Variants in ARHGEF3 observed in about 807,000 individuals in gnomAD.
The protein encoded by ARHGEF3 is 59.8 kDA protein.
In ARHGEF3, 28 loss-of-function variants were observed where a neutral mutation model predicts 63.2. That is an observed-to-expected ratio of 0.44 (90% CI 0.33 to 0.61). The LOEUF is 0.61. ARHGEF3 is among the 20% of genes least tolerant of loss of function. The pLI is 0.03. For missense variants in ARHGEF3, 533 were observed against 659.3 expected, an observed-to-expected ratio of 0.81 and a Z score of 2.10; for synonymous variants, 266 against 254.2, an observed-to-expected ratio of 1.05 and a Z score of -0.44.
chr3:57,062,055 G>A (rs951081056), intron 1 of ARHGEF3, among the ~76,000 whole-genome samples: 1 of 152,126 alleles, frequency 6.6e-6, no homozygotes, highest in African/African-American at 2.4e-5. Flanking sequence ...AAAAGAGAGT[G>A]GGGCAGGGAT....
At chr3:57,056,332 A>G (rs9862503) in intron 1 of ARHGEF3, among the ~76,000 whole-genome samples, 52,937 of 147,526 alleles carry the variant, frequency 0.36, 10,521 homozygotes, top group East Asian at 0.84. Context: ...GGTTGCAGTG[A>G]GCCAAGATTG....
At chr3:56,860,527 G>A (rs941393554) in intron 4 of ARHGEF3, among the ~76,000 whole-genome samples, 2 of 152,074 alleles carry the variant, frequency 1.3e-5, no homozygotes, top group Admixed American at 1.3e-4. Context: ...CAATCAAATG[G>A]GCATACAAAA....
chr3:56,857,410 G>T (rs1169904220), intron 4 of ARHGEF3, among the ~76,000 whole-genome samples: 1 of 152,174 alleles, frequency 6.6e-6, no homozygotes, highest in Non-Finnish European at 1.5e-5. Flanking sequence ...CTAAAGGGAA[G>T]AACTTATTTG....
chr3:56,879,690 A>G (rs1442419782), intron 4 of ARHGEF3, among the ~76,000 whole-genome samples: 1 of 151,792 alleles, frequency 6.6e-6, no homozygotes, highest in Non-Finnish European at 1.5e-5. Flanking sequence ...ACATAGAAAC[A>G]GTCCAAAAAC....
intron 2 of ARHGEF3, among the ~76,000 whole-genome samples, chr3:56,992,050 G>GTGTGTGTGTGTGTT (rs1701771896): frequency 2.0e-5 from 3 of 151,312 alleles, no homozygotes; most frequent in Non-Finnish European, 4.4e-5. Flanking sequence ...GTGTGTGTGT[G>GTGTGTGTGTGTGTT]TGTGTGTGTG....
chr3:56,957,617 A>G (rs1186697158), intron 3 of ARHGEF3, among the ~76,000 whole-genome samples: 1 of 152,220 alleles, frequency 6.6e-6, no homozygotes, highest in Non-Finnish European at 1.5e-5. Flanking sequence ...ACTAAGCACA[A>G]TAGTAAGAAA....
At chr3:56,779,886 C>T (rs1373643470) in intron 1 of ARHGEF3, among the ~76,000 whole-genome samples, 2 of 152,174 alleles carry the variant, frequency 1.3e-5, no homozygotes, top group African/African-American at 2.4e-5. Context: ...GAAATAACCT[C>T]GTAATACAGC....
intron 1 of ARHGEF3, among the ~76,000 whole-genome samples, chr3:56,794,676 A>G (rs1181707451): frequency 6.6e-6 from 1 of 152,158 alleles, no homozygotes; most frequent in Non-Finnish European, 1.5e-5. Flanking sequence ...GCTCAAGTCC[A>G]TGATATAAAA....
intron 3 of ARHGEF3, among the ~76,000 whole-genome samples, chr3:56,890,220 G>A (rs1484325856): frequency 1.3e-5 from 2 of 152,176 alleles, no homozygotes; most frequent in Admixed American, 6.5e-5. Flanking sequence ...TACTTGGTGT[G>A]ACCTTGGGCA....
intron 3 of ARHGEF3, among the ~76,000 whole-genome samples, chr3:56,913,157 A>AAAC (rs1031056376): frequency 2.4e-5 from 1 of 42,322 alleles, no homozygotes; most frequent in East Asian, 4.8e-4. Flanking sequence ...CTAAAAAAAA[A>AAAC]AACAACAACA....
intron 1 of ARHGEF3, among the ~76,000 whole-genome samples, chr3:57,071,028 A>G (rs1167892525): frequency 6.6e-6 from 1 of 151,854 alleles, no homozygotes; most frequent in Non-Finnish European, 1.5e-5. Context: ...ACAAAGTTGG[A>G]GGATTCATAC....
At chr3:57,070,557 T>G (rs1705829075) in intron 1 of ARHGEF3, among the ~76,000 whole-genome samples, 1 of 152,206 alleles carries the variant, frequency 6.6e-6, no homozygotes, top group South Asian at 2.1e-4. Context: ...CCAAGTGATC[T>G]ACAGAGTCAA....
At chr3:56,922,108 T>G (rs2042158014) in intron 3 of ARHGEF3, among the ~76,000 whole-genome samples, 1 of 151,410 alleles carries the variant, frequency 6.6e-6, no homozygotes, top group Non-Finnish European at 1.5e-5. Flanking sequence ...ATGTATGCTG[T>G]GAAGCAGCCA....
chr3:56,799,336 G>T (rs778913487), intron 1 of ARHGEF3, among the ~76,000 whole-genome samples: 1 of 152,170 alleles, frequency 6.6e-6, no homozygotes, highest in African/African-American at 2.4e-5. Context: ...AGGCAAATTC[G>T]GAAGGAACAG....
chr3:57,059,962 C>T (rs1384518912), intron 1 of ARHGEF3, among the ~76,000 whole-genome samples: 1 of 152,030 alleles, frequency 6.6e-6, no homozygotes, highest in Admixed American at 6.6e-5. Flanking sequence ...CGCCATTGCA[C>T]TCCAGCCTGG....
chr3:56,773,156 T>C (rs1043024432), intron 2 of ARHGEF3, among the ~76,000 whole-genome samples: 6 of 152,230 alleles, frequency 3.9e-5, no homozygotes, highest in Non-Finnish European at 7.3e-5. Flanking sequence ...CAGATGGGCA[T>C]GGCTATGTTC....
chr3:56,813,723 T>A (rs1395341136), intron 4 of ARHGEF3, among the ~76,000 whole-genome samples: 1 of 152,092 alleles, frequency 6.6e-6, no homozygotes, highest in African/African-American at 2.4e-5. Flanking sequence ...CCCACCCATT[T>A]AAAAAAAACC....
chr3:56,952,007 C>T (rs1460423796), intron 3 of ARHGEF3, among the ~76,000 whole-genome samples: 1 of 151,918 alleles, frequency 6.6e-6, no homozygotes, highest in Non-Finnish European at 1.5e-5. Context: ...TTCCCATCCT[C>T]TAGTGTATAC....
chr3:56,858,500 T>C (rs1183266271), intron 4 of ARHGEF3, among the ~76,000 whole-genome samples: 3 of 152,298 alleles, frequency 2.0e-5, no homozygotes, highest in African/African-American at 7.2e-5. Context: ...TTATAACAAT[T>C]GACAATGGCA....
Sources: allele counts gnomAD v4.1 joint callset (sites outside exome capture counted in the v4.1 genomes callset), GRCh38; gene constraint gnomAD v4.1.1; transcripts MANE v1.5; gene names NCBI Gene and HGNC (gene_info 2026-07-23, HGNC 2026-07-21).